The following COMMD10 variants were observed in gnomAD, a reference collection of about 807,000 sequenced individuals.
COMMD10 encodes COMM domain containing 10, also known as COMM domain-containing protein 10.
In COMMD10, 33 loss-of-function variants were observed where a neutral mutation model predicts 28.9. That is an observed-to-expected ratio of 1.14 (90% CI 0.87 to 1.53). The LOEUF (loss-of-function observed/expected upper bound fraction) is 1.53, where lower values mean the gene tolerates loss of function less well. Among genes scored for constraint, COMMD10 ranks in the 40% most tolerant of loss-of-function variants. COMMD10 has a pLI of 0.00. For missense variants in COMMD10, 310 were observed against 233.4 expected (o/e 1.33, Z -2.14); for synonymous variants, 110 against 81.7 (o/e 1.35, Z -1.87).
At chr5:116,192,421 A>G (rs192465187) in intron 5 of COMMD10, among the ~76,000 whole-genome samples, 391 of 152,242 alleles carry the variant, frequency 2.6e-3, no homozygotes, top group Non-Finnish European at 4.4e-3. Flanking sequence ...CCAAAAAACA[A>G]TACAAGAAGT....
At position 116,159,489 on chromosome 5, in the gene COMMD10, C is replaced by G. The variant is rs1034696191; in HGVS notation, c.510+25311C>G. ...TACTTGCAGTGTCCCTCCTGTCACT[C>G]TTTATCCAAGTTCTGAGCTAGGTGC... On this transcript the variant is annotated intron_variant, in intron 5 of 6. Transcript: ENST00000274458. 3.9e-5 allele frequency among the ~76,000 whole-genome samples: 6 copies of G among 152,140 alleles called. 1 individual carries two copies. Among genetic ancestry groups the G allele is most frequent in the Non-Finnish European group, 8.8e-5 (6 of 68,040 alleles).
intron 5 of COMMD10, among the ~76,000 whole-genome samples, chr5:116,225,825 T>C (rs1483711701): frequency 6.6e-6 from 1 of 152,022 alleles, no homozygotes; most frequent in Non-Finnish European, 1.5e-5. Context: ...TTTTTTTCTC[T>C]TCCTGCTTTT....
chr5:116,134,480 G>T (rs1018832317), intron 5 of COMMD10, among the ~76,000 whole-genome samples: 2 of 152,152 alleles, frequency 1.3e-5, no homozygotes, highest in African/African-American at 4.8e-5. Context: ...GTTTTAAGCT[G>T]AATATATGTG....
intron 5 of COMMD10, among the ~76,000 whole-genome samples, chr5:116,198,924 T>G (rs1227752361): frequency 6.6e-6 from 1 of 152,194 alleles, no homozygotes; most frequent in Non-Finnish European, 1.5e-5. Context: ...ACCATCCATG[T>G]GCAAATTTTT....
intron 5 of COMMD10, among the ~76,000 whole-genome samples, chr5:116,261,815 T>C (rs1333964645): frequency 1.3e-5 from 2 of 151,826 alleles, no homozygotes; most frequent in Non-Finnish European, 1.5e-5. Flanking sequence ...GTTCTCTGTC[T>C]CTGGATCTCT....
intron 5 of COMMD10, among the ~76,000 whole-genome samples, chr5:116,220,387 G>A (rs745576282): frequency 6.6e-6 from 1 of 151,046 alleles, no homozygotes; most frequent in African/African-American, 2.4e-5. Context: ...ATGACTGAGA[G>A]GTGATCATGT....
intron 5 of COMMD10, among the ~76,000 whole-genome samples, chr5:116,227,738 C>T (rs1749433793): frequency 6.6e-6 from 1 of 151,934 alleles, no homozygotes; most frequent in Non-Finnish European, 1.5e-5. Flanking sequence ...CACAGCTTTT[C>T]AGTTTCTCAG....
intron 5 of COMMD10, among the ~76,000 whole-genome samples, chr5:116,210,544 CAAGT>C (rs1748934468): frequency 6.6e-6 from 1 of 151,952 alleles, no homozygotes; most frequent in Admixed American, 6.6e-5. Context: ...TATTTGTTGA[CAAGT>C]AATAGATCAC....
chr5:116,291,583 A>G lies in COMMD10; in HGVS notation c.570+7A>G. ...GTTTGATTTCTATAACAAGGTCTGTATTTTTAAAATAATTTTCTAATATGT... is the reference window on the plus strand; with the variant it reads ...GTTTGATTTCTATAACAAGGTCTGTGTTTTTAAAATAATTTTCTAATATGT... On this transcript the variant is annotated splice_region_variant and intron_variant, in intron 6 of 6. Transcript: ENST00000274458. 1 of 1,494,760 alleles carries G rather than the reference A, an allele frequency of 6.7e-7. No homozygotes were observed. 92.6% of individuals were successfully genotyped at this position (1,494,760 alleles called of 1,614,324 possible). A position where few individuals can be genotyped will look rare whatever the true frequency, so the allele number is the denominator to read the frequency against.
At chr5:116,143,899 G>T (rs1752266561) in intron 5 of COMMD10, among the ~76,000 whole-genome samples, 1 of 151,654 alleles carries the variant, frequency 6.6e-6, no homozygotes, top group Admixed American at 6.6e-5. Context: ...AAATACATAT[G>T]TTAAGCCAGT....
At chr5:116,189,769 A>G (rs2112610043) in intron 5 of COMMD10, among the ~76,000 whole-genome samples, 1 of 152,354 alleles carries the variant, frequency 6.6e-6, no homozygotes, top group South Asian at 2.1e-4. Context: ...GAAAACAGTA[A>G]TGAAAATCTA....
intron 5 of COMMD10, among the ~76,000 whole-genome samples, chr5:116,158,958 G>A (rs551596672): frequency 1.3e-3 from 201 of 151,946 alleles, no homozygotes; most frequent in Non-Finnish European, 2.0e-3. Flanking sequence ...AGGGACTAGA[G>A]GGTCTAGGTC....
At chr5:116,145,236 T>C (rs948410101) in intron 5 of COMMD10, among the ~76,000 whole-genome samples, 8 of 151,838 alleles carry the variant, frequency 5.3e-5, no homozygotes, top group Non-Finnish European at 8.8e-5. Flanking sequence ...TTTTAGGGTA[T>C]TTTTACTATT....
intron 5 of COMMD10, among the ~76,000 whole-genome samples, chr5:116,193,891 C>T (rs761794248): frequency 3.9e-5 from 6 of 152,034 alleles, no homozygotes; most frequent in Non-Finnish European, 8.8e-5. Context: ...GCAACTTTTT[C>T]CAAGATAGAC....
chr5:116,123,806 A>T (rs1241002049), intron 4 of COMMD10, among the ~76,000 whole-genome samples: 1 of 151,900 alleles, frequency 6.6e-6, no homozygotes, highest in African/African-American at 2.4e-5. Flanking sequence ...GGGAGGGTGT[A>T]TGTGTCCAGG....
intron 5 of COMMD10, among the ~76,000 whole-genome samples, chr5:116,274,853 G>T (rs1750858894): frequency 6.6e-6 from 1 of 151,714 alleles, no homozygotes; most frequent in South Asian, 2.1e-4. Flanking sequence ...AGTACTTTGT[G>T]TTACTATAGC....
intron 5 of COMMD10, among the ~76,000 whole-genome samples, chr5:116,241,603 T>TTTAC (rs1214656120): frequency 6.7e-6 from 1 of 149,306 alleles, no homozygotes; most frequent in Admixed American, 6.7e-5. Context: ...TATTTATTTA[T>TTTAC]TTATTTATTT....
At chr5:116,130,780 T>A (rs1444968699) in intron 4 of COMMD10, among the ~76,000 whole-genome samples, 1 of 152,058 alleles carries the variant, frequency 6.6e-6, no homozygotes, top group Non-Finnish European at 1.5e-5. Flanking sequence ...AGCCTTTGTG[T>A]ACCTATCTCT....
chr5:116,232,155 C>A (rs1749544340), intron 5 of COMMD10, among the ~76,000 whole-genome samples: 1 of 152,254 alleles, frequency 6.6e-6, no homozygotes, highest in South Asian at 2.1e-4. Context: ...CATACTGTAT[C>A]AATTTCAGAA....
Sources: allele counts gnomAD v4.1 joint callset (sites outside exome capture counted in the v4.1 genomes callset), GRCh38; gene constraint gnomAD v4.1.1; transcripts MANE v1.5; gene names NCBI Gene and HGNC (gene_info 2026-07-23, HGNC 2026-07-21).